PRKD1: variants seen among roughly 807,000 people sequenced by gnomAD.
PRKD1 encodes the protein protein kinase D1, also known as serine/threonine-protein kinase D1.
Under a neutral mutation model 95.9 loss-of-function variants are expected in PRKD1, and 63 were observed. That is an observed-to-expected ratio of 0.66 (90% confidence interval 0.54 to 0.81). The LOEUF is 0.81. Ranked by LOEUF, PRKD1 falls within the 30% of genes least tolerant of loss-of-function variation. The pLI, the probability that PRKD1 is intolerant of heterozygous loss-of-function variation, is 0.00. For missense variants in PRKD1, 1,048 were observed against 1,165.3 expected (o/e 0.90, Z 1.47); for synonymous variants, 425 against 423.1 (o/e 1.00, Z -0.05).
At chr14:29,720,713 G>A (rs1054150812) in intron 2 of PRKD1, among the ~76,000 whole-genome samples, 8 of 151,730 alleles carry the variant, frequency 5.3e-5, no homozygotes, top group African/African-American at 1.7e-4. Flanking sequence ...CCGGGAGGTG[G>A]AGGTTGCAGT....
chr14:29,754,813 C>G (rs1469967969), intron 1 of PRKD1, among the ~76,000 whole-genome samples: 2 of 152,014 alleles, frequency 1.3e-5, no homozygotes, highest in African/African-American at 4.8e-5. Flanking sequence ...TTGTGGAATT[C>G]TTTCATAAAA....
rs145464364 is a variant in PRKD1 at position 29,578,057 on chromosome 14, C to T, written c.2520+218G>A. Among the ~76,000 whole-genome samples, 489 of 151,594 alleles carry T rather than the reference C, an allele frequency of 3.2e-3. 4 individuals carry two copies. Among genetic ancestry groups the T allele is most frequent in the African/African-American group, 0.011 (464 of 41,324 alleles). ...TGGGCTGTGTGTGTGTGTGTATATGCGTGCGTGTATCTCTTCTATCAAATT... is the reference window on the plus strand; with the variant it reads ...TGGGCTGTGTGTGTGTGTGTATATGTGTGCGTGTATCTCTTCTATCAAATT... On this transcript the variant is annotated intron_variant, in intron 17 of 17. Transcript: ENST00000331968.
At chr14:29,916,094 C>A (rs1347048518) in intron 1 of PRKD1, among the ~76,000 whole-genome samples, 2 of 152,176 alleles carry the variant, frequency 1.3e-5, no homozygotes, top group East Asian at 3.9e-4. Flanking sequence ...GAGAAACCAC[C>A]AGTTCAAGGT....
intron 1 of PRKD1, among the ~76,000 whole-genome samples, chr14:29,872,662 A>AG (rs1475420290): frequency 3.3e-5 from 5 of 151,788 alleles, no homozygotes; most frequent in Non-Finnish European, 7.4e-5. Flanking sequence ...TCTCTAAAAA[A>AG]AAAAAAAAAG....
chr14:29,595,777 C>G lies in PRKD1; in HGVS notation c.2434+1714G>C, dbSNP rs140493440. Among the ~76,000 whole-genome samples, 12 of 152,272 alleles carry G rather than the reference C, an allele frequency of 7.9e-5. No homozygotes were observed. The East Asian group carries it at 2.3e-3, about 29-fold the overall frequency. On this transcript the variant is annotated intron_variant, in intron 16 of 17. Coordinates refer to ENST00000331968, the MANE Select transcript of PRKD1 (RefSeq NM_002742.3). The stretch of plus-strand genomic sequence containing the variant: ...TTCCCCACACCCAATTCCTGTGTAA[C>G]AGGAAAGTGTTTGATTGGCTTCAGT...
At chr14:29,715,243 A>C (rs934594517) in intron 2 of PRKD1, among the ~76,000 whole-genome samples, 1 of 152,042 alleles carries the variant, frequency 6.6e-6, no homozygotes, top group Non-Finnish European at 1.5e-5. Flanking sequence ...GCATGTGTGT[A>C]AACAGTGTGA....
intron 2 of PRKD1, among the ~76,000 whole-genome samples, chr14:29,699,055 T>C (rs1884687260): frequency 6.6e-6 from 1 of 152,204 alleles, no homozygotes; most frequent in Admixed American, 6.5e-5. Context: ...TATTATATAG[T>C]ATTTAATGGC....
In PRKD1 at chr14:29,921,637, CTT is replaced by C. The variant is rs779108723; in HGVS notation, c.264+5610_264+5611del. Among the ~76,000 whole-genome samples the C allele has an allele frequency of 8.4e-4, 127 of 152,016 alleles. No homozygotes were observed. The Middle Eastern group carries it at 0.01, about 12-fold the overall frequency. ...TTATTCATGAATAAATTAGTGAAGA[CTT>C]ATATACAATCATCTCACAAAAAAAG... On this transcript the variant is annotated intron_variant, in intron 1 of 17. Coordinates refer to ENST00000331968, the MANE Select transcript of PRKD1 (RefSeq NM_002742.3).
At chr14:29,893,811 C>A (rs1401617746) in intron 1 of PRKD1, among the ~76,000 whole-genome samples, 2 of 152,172 alleles carry the variant, frequency 1.3e-5, no homozygotes, top group Admixed American at 1.3e-4. Context: ...TACACTAACA[C>A]ATTACAATCT....
chr14:29,812,232 C>T (rs746199008), intron 1 of PRKD1, among the ~76,000 whole-genome samples: 7 of 152,050 alleles, frequency 4.6e-5, no homozygotes, highest in Non-Finnish European at 5.9e-5. Flanking sequence ...TAATTATCAC[C>T]GCTAAAAGAA....
intron 16 of PRKD1, among the ~76,000 whole-genome samples, chr14:29,592,122 T>A (rs575666010): frequency 2.9e-4 from 44 of 151,948 alleles, no homozygotes; most frequent in African/African-American, 1.1e-3. Flanking sequence ...TAATCCGGTA[T>A]GAGATAAAGT....
chr14:29,649,502 A>ATT lies in PRKD1; in HGVS notation c.697-10600_697-10599dup, dbSNP rs201718544. On this transcript the variant is annotated intron_variant, in intron 4 of 17. Coordinates refer to ENST00000331968, the MANE Select transcript of PRKD1 (RefSeq NM_002742.3). ...GTGTTTGTAGTTGCTAGTGTAGTTG[A>ATT]TTTTTTTTTGGCTCGAGCTGCGAGA... 5.4e-3 allele frequency among the ~76,000 whole-genome samples: 785 copies of ATT among 145,530 alleles called. 4 individuals are homozygous for ATT. Among genetic ancestry groups the ATT allele is most frequent in the African/African-American group, 0.019 (741 of 39,334 alleles).
chr14:29,869,276 G>C lies in PRKD1; in HGVS notation c.264+57973C>G, dbSNP rs150399109. On this transcript the variant is annotated intron_variant, in intron 1 of 17. Transcript: ENST00000331968. ...TGGCCAACATGGTGAAACCCTATCT[G>C]TACTAAAAATACAAAAATTAGTTGG... is the stretch of plus-strand genomic sequence containing the variant. 3.7e-3 allele frequency among the ~76,000 whole-genome samples: 568 copies of C among 151,778 alleles called. 3 individuals carry two copies. The highest frequency in any genetic ancestry group is 0.012 in the African/African-American group (510 of 41,404).
intron 4 of PRKD1, among the ~76,000 whole-genome samples, chr14:29,641,655 A>C (rs1466091168): frequency 6.6e-6 from 1 of 152,168 alleles, no homozygotes; most frequent in Admixed American, 6.5e-5. Flanking sequence ...GTGAAAACAA[A>C]AAAGTAAGAC....
At chr14:29,611,875 GAAAACTTTTTATT>G (rs1878495341) in intron 13 of PRKD1, among the ~76,000 whole-genome samples, 1 of 152,048 alleles carries the variant, frequency 6.6e-6, no homozygotes, top group Non-Finnish European at 1.5e-5. Flanking sequence ...AAGACATATG[GAAAACTTTTTATT>G]TCCTGTTAAT....
chr14:29,827,856 C>A (rs1375709123), intron 1 of PRKD1, among the ~76,000 whole-genome samples: 2 of 152,108 alleles, frequency 1.3e-5, no homozygotes, highest in East Asian at 3.9e-4. Flanking sequence ...TTCTTTGACA[C>A]TCACCTAATT....
At chr14:29,857,595 T>G (rs1892554048) in intron 1 of PRKD1, among the ~76,000 whole-genome samples, 1 of 152,170 alleles carries the variant, frequency 6.6e-6, no homozygotes, top group Non-Finnish European at 1.5e-5. Flanking sequence ...AAAATGCAAA[T>G]ACCTTCGTTC....
intron 1 of PRKD1, among the ~76,000 whole-genome samples, chr14:29,909,054 C>T (rs538500726): frequency 4.9e-4 from 75 of 152,270 alleles, no homozygotes; most frequent in South Asian, 8.3e-4. Context: ...GCATGAGTTC[C>T]GGGTGGGCGT....
At chr14:29,675,859 C>T (rs891760556) in intron 2 of PRKD1, among the ~76,000 whole-genome samples, 4 of 151,778 alleles carry the variant, frequency 2.6e-5, no homozygotes, top group Non-Finnish European at 4.4e-5. Context: ...AACCATCATT[C>T]TCAGCAAACT....
Sources: allele counts gnomAD v4.1 joint callset (sites outside exome capture counted in the v4.1 genomes callset), GRCh38; gene constraint gnomAD v4.1.1; transcripts MANE v1.5; gene names NCBI Gene and HGNC (gene_info 2026-07-23, HGNC 2026-07-21).